Variants in DDI2 observed in about 807,000 individuals in gnomAD.
The protein encoded by DDI2 is DDI proteasomal shuttling factor 2, also known as protein DDI1 homolog 2.
Under a neutral mutation model 48.1 loss-of-function variants are expected in DDI2, and 5 were observed. The observed-to-expected ratio is 0.10, with a 90% CI of 0.05 to 0.22. The LOEUF (loss-of-function observed/expected upper bound fraction) is 0.22. Among genes scored for constraint, DDI2 ranks in the 10% least tolerant of loss-of-function variants. The pLI, the probability that DDI2 is intolerant of heterozygous loss-of-function variation, is 1.00. For synonymous variants in DDI2, 205 were observed against 183.6 expected, an observed-to-expected ratio of 1.12 and a Z score of -0.94; for missense variants, 285 against 506.2, an observed-to-expected ratio of 0.56 and a Z score of 4.19.
intron 6 of DDI2, among the ~76,000 whole-genome samples, chr1:15,646,731 C>CT (rs1037279962): frequency 5.9e-5 from 9 of 151,998 alleles, no homozygotes; most frequent in Admixed American, 5.9e-4. Flanking sequence ...ACCCAAAAAC[C>CT]TTTTTTGCAA....
intron 1 of DDI2, among the ~76,000 whole-genome samples, chr1:15,623,785 G>A (rs1052284313): frequency 6.6e-6 from 1 of 152,062 alleles, no homozygotes; most frequent in African/African-American, 2.4e-5. Context: ...TAGTGGCCGG[G>A]CGCAGTGACT....
chr1:15,640,549 AT>A (rs1480499866), intron 5 of DDI2, among the ~76,000 whole-genome samples: 1 of 152,214 alleles, frequency 6.6e-6, no homozygotes, highest in African/African-American at 2.4e-5. Context: ...TAGAGACCAC[AT>A]TCTCACTCTG....
chr1:15,651,976 C>A (rs977192399), intron 8 of DDI2, 81 bp downstream of exon 8: 122 of 1,396,938 alleles, frequency 8.7e-5, no homozygotes, highest in Admixed American at 2.9e-4. Context: ...GGGGTAGGAA[C>A]CTTTCCAGTT....
rs1256777843 is a variant in DDI2 at position 15,665,778 on chromosome 1, G to A, written c.*5988G>A. The A allele has an allele frequency of 1.3e-5, 2 of 152,162 alleles. No individual in the cohort carries two copies. Among genetic ancestry groups the A allele is most frequent in the African/African-American group, 4.8e-5 (2 of 41,440 alleles). 9.4% of individuals were successfully genotyped at this position (152,162 alleles called of 1,614,324 possible). ...CAAATCATCGGCCAGAAAAGCTGCA[G>A]GGCGTTGCAATGGCCTTTTCCTACC... On this transcript the variant is annotated 3_prime_UTR_variant, in exon 10 of 10. Transcript: ENST00000480945.
At position 15,661,238 on chromosome 1, in the gene DDI2, A is replaced by T. The variant is rs1331240172; in HGVS notation, c.*1448A>T. On this transcript the variant is annotated 3_prime_UTR_variant, in exon 10 of 10. Transcript: ENST00000480945. ...CTAGGTGATGGCCTGTCAACCGATAAGGAAGGTGTCCCCAAATCTAGGGAA... is the reference window on the plus strand; with the variant it reads ...CTAGGTGATGGCCTGTCAACCGATATGGAAGGTGTCCCCAAATCTAGGGAA... 7 of 1,614,072 alleles carry T rather than the reference A, an allele frequency of 4.3e-6. No individual in the cohort carries two copies. The highest frequency in any genetic ancestry group is 5.9e-6 in the Non-Finnish European group (7 of 1,180,034).
Position 15,661,747 on chromosome 1 carries a change from T to C in DDI2, c.*1957T>C. 1.3e-6 allele frequency: 2 copies of C among 1,575,222 alleles called. No homozygotes were observed. Among genetic ancestry groups the C allele is most frequent in the Non-Finnish European group, 1.7e-6 (2 of 1,160,946 alleles). Reference sequence around the variant, plus strand: ...ACTGTGGGAAAGTGGGCTAGACCGTTCTCCATTCCCTTTAAACAAAAGAAA... The same window carrying C: ...ACTGTGGGAAAGTGGGCTAGACCGTCCTCCATTCCCTTTAAACAAAAGAAA... On this transcript the variant is annotated 3_prime_UTR_variant, in exon 10 of 10. Transcript: ENST00000480945.
chr1:15,653,413 A>G (rs779589502), intron 8 of DDI2, among the ~76,000 whole-genome samples: 1 of 152,008 alleles, frequency 6.6e-6, no homozygotes, highest in Non-Finnish European at 1.5e-5. Flanking sequence ...CTCCCAAAGT[A>G]TTACAGGCAT....
chr1:15,617,662 G>T lies in DDI2; in HGVS notation c.-9G>T, dbSNP rs1005888655. Reference sequence around the variant, plus strand: ...GCCGAGCCGAGCCGAGCCGGGTCGGGCCCGGGCCATGCTGCTCACCGTGTA... The same window carrying T: ...GCCGAGCCGAGCCGAGCCGGGTCGGTCCCGGGCCATGCTGCTCACCGTGTA... On this transcript the variant is annotated 5_prime_UTR_variant, in exon 1 of 10. Transcript: ENST00000480945. 2 of 1,490,400 alleles carry T rather than the reference G, an allele frequency of 1.3e-6. No homozygotes were observed. Among genetic ancestry groups the T allele is most frequent in the African/African-American group, 2.9e-5 (2 of 69,732 alleles). The allele number at this position is 1,490,400 out of a possible 1,614,324, so 92.3% of individuals were successfully genotyped here. A position where few individuals can be genotyped will look rare whatever the true frequency, so the allele number is the denominator to read the frequency against.
intron 3 of DDI2, among the ~76,000 whole-genome samples, chr1:15,631,224 G>T (rs1384124657): frequency 6.6e-6 from 1 of 152,108 alleles, no homozygotes; most frequent in African/African-American, 2.4e-5. Context: ...ATGCCAGGAA[G>T]GTTCAGTGCC....
chr1:15,631,148 C>T (rs879716252), intron 3 of DDI2, among the ~76,000 whole-genome samples: 4 of 151,978 alleles, frequency 2.6e-5, no homozygotes, highest in Admixed American at 6.6e-5. Context: ...CAGCCAGTAC[C>T]GATATTTTAA....
At chr1:15,643,193 T>G (rs1398109909) in intron 5 of DDI2, among the ~76,000 whole-genome samples, 1 of 152,242 alleles carries the variant, frequency 6.6e-6, no homozygotes, top group Non-Finnish European at 1.5e-5. Context: ...CGGTAAGAAG[T>G]GCAAAGTACT....
chr1:15,660,501 T>C lies in DDI2; in HGVS notation c.*711T>C, dbSNP rs756946782. On this transcript the variant is annotated 3_prime_UTR_variant, in exon 10 of 10. Transcript: ENST00000480945. ...AACAGAATCAACACAAAATTGTTGATTTGGAAGCTACGATGAAAGGAAATG... is the reference window on the plus strand; with the variant it reads ...AACAGAATCAACACAAAATTGTTGACTTGGAAGCTACGATGAAAGGAAATG... 2 of 1,613,862 alleles carry C rather than the reference T, an allele frequency of 1.2e-6. No individual in the cohort carries two copies. Among genetic ancestry groups the C allele is most frequent in the East Asian group, 2.2e-5 (1 of 44,876 alleles).
chr1:15,664,758 A>G lies in DDI2; in HGVS notation c.*4968A>G, dbSNP rs1220552703. On this transcript the variant is annotated 3_prime_UTR_variant, in exon 10 of 10. Transcript: ENST00000480945. ...CGGTCTCTGTTTCTTCACCAGAGAG[A>G]GAAGATTTTCCTGTGTAATTTGTGC... is the stretch of plus-strand genomic sequence containing the variant. The G allele has an allele frequency of 6.6e-6, 1 of 152,222 alleles. No individual in the cohort carries two copies. Among genetic ancestry groups the G allele is most frequent in the African/African-American group, 2.4e-5 (1 of 41,448 alleles). The allele number at this position is 152,222 out of a possible 1,614,324, so 9.4% of individuals were successfully genotyped here. A position where few individuals can be genotyped will look rare whatever the true frequency, so the allele number is the denominator to read the frequency against.
chr1:15,619,265 C>T (rs1192473186), intron 1 of DDI2, among the ~76,000 whole-genome samples: 1 of 151,718 alleles, frequency 6.6e-6, no homozygotes, highest in Non-Finnish European at 1.5e-5. Flanking sequence ...GGACTACGGG[C>T]GCGCGCCACC....
chr1:15,628,639 C>T (rs1476322126), intron 2 of DDI2, among the ~76,000 whole-genome samples: 5 of 152,150 alleles, frequency 3.3e-5, no homozygotes, highest in Admixed American at 6.5e-5. Context: ...GAAGGAATGT[C>T]GATTGACTCA....
chr1:15,640,158 G>A (rs986830605), intron 5 of DDI2, among the ~76,000 whole-genome samples: 1 of 152,108 alleles, frequency 6.6e-6, no homozygotes, highest in Non-Finnish European at 1.5e-5. Flanking sequence ...CTTAGTGACT[G>A]GAGCCTCAGA....
chr1:15,656,442 G>A, intron 8 of DDI2, 175 bp from the exon 9 acceptor site: 2 of 1,487,228 alleles, frequency 1.3e-6, no homozygotes, highest in East Asian at 4.9e-5. Context: ...TATTGTGAGA[G>A]AATGGAAGCA....
chr1:15,628,967 C>T (rs931606869), intron 2 of DDI2, among the ~76,000 whole-genome samples: 5 of 152,150 alleles, frequency 3.3e-5, no homozygotes, highest in East Asian at 3.9e-4. Context: ...TATGTGAGTC[C>T]GTTGTGTAAG....
intron 9 of DDI2, among the ~76,000 whole-genome samples, chr1:15,658,577 A>G (rs1170018498): frequency 4.0e-5 from 6 of 151,204 alleles, no homozygotes; most frequent in East Asian, 2.0e-4. Context: ...ACCCTGACCA[A>G]CGTGGAGAAA....
Sources: gnomAD v4.1 joint callset for allele counts (sites outside exome capture counted in the v4.1 genomes callset) on GRCh38, gnomAD v4.1.1 for gene constraint, MANE v1.5 for transcripts, NCBI Gene and HGNC (gene_info 2026-07-23, HGNC 2026-07-21) for gene names.